Variants in PIP4K2A observed in about 807,000 individuals in gnomAD.
PIP4K2A encodes phosphatidylinositol-5-phosphate 4-kinase type 2 alpha.
A neutral mutation model predicts 42.9 loss-of-function variants in PIP4K2A; 14 were observed. That is an observed-to-expected ratio of 0.33 (90% confidence interval 0.22 to 0.51). The LOEUF (loss-of-function observed/expected upper bound fraction) is 0.51. PIP4K2A is among the 20% of genes least tolerant of loss of function. The probability of loss-of-function intolerance (pLI) is 0.97; values close to 1 mark genes in which losing one functional copy is unlikely to be tolerated. For synonymous variants in PIP4K2A, 192 were observed against 192.2 expected (o/e 1.00, Z 0.01); for missense variants, 434 against 519.8 (o/e 0.83, Z 1.61).
intron 1 of PIP4K2A, among the ~76,000 whole-genome samples, chr10:22,665,087 T>G (rs1232389916): frequency 6.6e-6 from 1 of 152,198 alleles, no homozygotes; most frequent in Non-Finnish European, 1.5e-5. Context: ...TTTAATACAT[T>G]CATATACAAA....
intron 6 of PIP4K2A, among the ~76,000 whole-genome samples, chr10:22,564,144 A>G (rs954815283): frequency 1.1e-4 from 17 of 152,216 alleles, no homozygotes; most frequent in Admixed American, 1.0e-3. Flanking sequence ...GTTAAGTCCT[A>G]TAGGTGCAAC....
At chr10:22,626,271 A>G (rs1276842902) in intron 1 of PIP4K2A, among the ~76,000 whole-genome samples, 1 of 152,186 alleles carries the variant, frequency 6.6e-6, no homozygotes, top group Admixed American at 6.5e-5. Flanking sequence ...AAAAAAGAGT[A>G]ACTTGCTTTT....
At chr10:22,602,336 G>C (rs1837801905) in intron 3 of PIP4K2A, among the ~76,000 whole-genome samples, 1 of 150,200 alleles carries the variant, frequency 6.7e-6, no homozygotes, top group Non-Finnish European at 1.5e-5. Context: ...GGAGGCTGCA[G>C]TGAGCCAAGA....
intron 7 of PIP4K2A, among the ~76,000 whole-genome samples, chr10:22,545,017 G>A (rs1351665382): frequency 4.6e-5 from 7 of 152,224 alleles, no homozygotes; most frequent in Admixed American, 2.0e-4. Flanking sequence ...TCTTTCCCAA[G>A]CAAGGCAGCC....
At chr10:22,631,372 T>G (rs1220541600) in intron 1 of PIP4K2A, among the ~76,000 whole-genome samples, 1 of 152,024 alleles carries the variant, frequency 6.6e-6, no homozygotes, top group South Asian at 2.1e-4. Flanking sequence ...TCCTTTTAAG[T>G]ACAGACACCA....
intron 1 of PIP4K2A, among the ~76,000 whole-genome samples, chr10:22,655,688 A>C (rs1839086382): frequency 6.6e-6 from 1 of 152,240 alleles, no homozygotes; most frequent in Admixed American, 6.5e-5. Flanking sequence ...GTAGGTGCTC[A>C]ACAACTATTT....
intron 1 of PIP4K2A, among the ~76,000 whole-genome samples, chr10:22,615,122 A>AT (rs149106908): frequency 0.062 from 9,393 of 150,668 alleles, 968 homozygotes; most frequent in African/African-American, 0.21. Context: ...TATTATCAGG[A>AT]TTTTTTTTTT....
At chr10:22,695,708 G>A (rs1295689544) in intron 1 of PIP4K2A, among the ~76,000 whole-genome samples, 1 of 152,064 alleles carries the variant, frequency 6.6e-6, no homozygotes, top group Non-Finnish European at 1.5e-5. Context: ...ACAAAACATT[G>A]TATTTGTATA....
At chr10:22,606,328 G>A (rs1420944287) in intron 3 of PIP4K2A, among the ~76,000 whole-genome samples, 3 of 151,978 alleles carry the variant, frequency 2.0e-5, no homozygotes, top group Non-Finnish European at 4.4e-5. Context: ...AAAAAGAAAC[G>A]CCCTAACAGG....
intron 3 of PIP4K2A, among the ~76,000 whole-genome samples, chr10:22,594,080 G>C (rs373940919): frequency 6.6e-6 from 1 of 152,196 alleles, no homozygotes; most frequent in East Asian, 1.9e-4. Flanking sequence ...TGATCCAGCA[G>C]GTCAGGGGTG....
chr10:22,677,711 CA>C (rs1443429364), intron 1 of PIP4K2A, among the ~76,000 whole-genome samples: 1 of 152,200 alleles, frequency 6.6e-6, no homozygotes, highest in Non-Finnish European at 1.5e-5. Context: ...CAGTTTCCTA[CA>C]AACTATTCAC....
In PIP4K2A at chr10:22,536,961, C is replaced by A; in HGVS notation, c.*240G>T. ...TGCACACGCGCGCACACACTCACCCCCCCCCAACACACACACACACACATA... is the reference window on the plus strand; with the variant it reads ...TGCACACGCGCGCACACACTCACCCACCCCCAACACACACACACACACATA... On this transcript the variant is annotated 3_prime_UTR_variant, in exon 10 of 10. Coordinates refer to ENST00000376573, the MANE Select transcript of PIP4K2A (RefSeq NM_005028.5). 3.4e-6 allele frequency: 1 copy of A among 293,166 alleles called. No individual in the cohort carries two copies. The highest frequency in any genetic ancestry group is 5.8e-6 in the Non-Finnish European group (1 of 173,638). 18.2% of individuals were successfully genotyped at this position (293,166 alleles called of 1,614,324 possible).
intron 1 of PIP4K2A, among the ~76,000 whole-genome samples, chr10:22,618,657 A>T (rs1331571401): frequency 6.6e-6 from 1 of 152,188 alleles, no homozygotes; most frequent in African/African-American, 2.4e-5. Context: ...CTCCAGAGCT[A>T]TCTGCACACA....
chr10:22,685,296 T>C, intron 1 of PIP4K2A, among the ~76,000 whole-genome samples: 1 of 152,228 alleles, frequency 6.6e-6, no homozygotes, highest in Non-Finnish European at 1.5e-5. Context: ...CAAGTCATAC[T>C]ATTAATGAAT....
At chr10:22,618,831 C>T (rs2130734383) in intron 1 of PIP4K2A, among the ~76,000 whole-genome samples, 1 of 152,306 alleles carries the variant, frequency 6.6e-6, no homozygotes, top group Middle Eastern at 3.4e-3. Flanking sequence ...CTTCAGAATA[C>T]TTGAAAGTTG....
intron 7 of PIP4K2A, among the ~76,000 whole-genome samples, chr10:22,545,296 A>G (rs766528058): frequency 1.3e-5 from 2 of 152,248 alleles, no homozygotes; most frequent in African/African-American, 2.4e-5. Context: ...CAAGGTGACC[A>G]TTTAAGACGA....
intron 1 of PIP4K2A, among the ~76,000 whole-genome samples, chr10:22,649,376 GA>G (rs1838946583): frequency 6.6e-6 from 1 of 152,178 alleles, no homozygotes. Context: ...GCTGTCAAAT[GA>G]ATCATCTTCC....
intron 6 of PIP4K2A, among the ~76,000 whole-genome samples, chr10:22,559,272 CTT>C (rs1415169232): frequency 6.6e-6 from 1 of 152,192 alleles, no homozygotes; most frequent in Non-Finnish European, 1.5e-5. Context: ...TTTTGGAAGT[CTT>C]CTCTCCACCC....
rs147551032 is a variant in PIP4K2A at position 22,547,797 on chromosome 10, G to A, written c.792+2862C>T. On this transcript the variant is annotated intron_variant, in intron 7 of 9. Coordinates refer to ENST00000376573, the MANE Select transcript of PIP4K2A (RefSeq NM_005028.5). ...AAGTGCCTGTCACTCCTCATACACC[G>A]ATCTGTGTGTGTGTTTGTGTGCAGA... 1.8e-4 allele frequency among the ~76,000 whole-genome samples: 28 copies of A among 152,280 alleles called. No homozygotes were observed. The East Asian group carries it at 5.0e-3, about 27-fold the overall frequency.
Sources: allele counts gnomAD v4.1 joint callset (sites outside exome capture counted in the v4.1 genomes callset), GRCh38; gene constraint gnomAD v4.1.1; transcripts MANE v1.5; gene names NCBI Gene and HGNC (gene_info 2026-07-23, HGNC 2026-07-21).